The following MIR17HG variants were observed in gnomAD, a reference collection of about 807,000 sequenced individuals.
MIR17HG encodes MIR17 host gene (non-protein coding).
intron 2 of MIR17HG, chr13:91,349,911 A>T (rs1379434675): frequency 6.6e-6 from 1 of 152,252 alleles, no homozygotes; most frequent in African/African-American, 2.4e-5. Flanking sequence ...TGAAAAACTA[A>T]CTCATTAAGT....
intron 3 of MIR17HG, chr13:91,351,186 A>T (rs1875296533): frequency 1.9e-6 from 1 of 527,250 alleles, no homozygotes; most frequent in Non-Finnish European, 3.9e-6. Flanking sequence ...CTGTCCTGTT[A>T]CTGAACACTG....
intron 3 of MIR17HG, chr13:91,351,482 A>G: frequency 2.4e-6 from 1 of 411,802 alleles, no homozygotes; most frequent in South Asian, 1.9e-5. Flanking sequence ...GAAATATTAA[A>G]GAAAATGTGT....
At position 91,350,002 on chromosome 13, in the gene MIR17HG, C is replaced by T. The variant is rs112107109; in HGVS notation, n.214-154C>T. Reference sequence around the variant, plus strand: ...TTTGGAAACTGGCTTATGCAGTTTACGAAATATAATTTTAGACCCTCTTTT... The same window carrying T: ...TTTGGAAACTGGCTTATGCAGTTTATGAAATATAATTTTAGACCCTCTTTT... On this transcript the variant is annotated intron_variant and non_coding_transcript_variant, in intron 2 of 3. Transcript: ENST00000400282. 3.7e-3 allele frequency: 564 copies of T among 152,516 alleles called. 2 individuals are homozygous for T. The highest frequency in any genetic ancestry group is 5.9e-3 in the Non-Finnish European group (406 of 68,290). The allele number at this position is 152,516 out of a possible 1,614,324, so 9.4% of individuals were successfully genotyped here. A position where few individuals can be genotyped will look rare whatever the true frequency, so the allele number is the denominator to read the frequency against.
At chr13:91,350,461 CTAA>C in intron 3 of MIR17HG, 1 of 396,238 alleles carries the variant, frequency 2.5e-6, no homozygotes, top group Non-Finnish European at 5.1e-6. Context: ...GATAATTAAA[CTAA>C]TTTTTTCTTC....
intron 3 of MIR17HG, among the ~76,000 whole-genome samples, chr13:91,353,716 G>C (rs1416990253): frequency 6.6e-6 from 1 of 151,376 alleles, no homozygotes; most frequent in Non-Finnish European, 1.5e-5. Flanking sequence ...TGAGACTTAA[G>C]AGGTCATGTT....
chr13:91,348,719 C>T (rs1875100199), intron 1 of MIR17HG, among the ~76,000 whole-genome samples: 2 of 150,568 alleles, frequency 1.3e-5, no homozygotes, highest in South Asian at 4.1e-4. Flanking sequence ...CGGCCGCTTG[C>T]TGGGAGTGTG....
At chr13:91,350,690 G>C in intron 3 of MIR17HG, 1 of 534,240 alleles carries the variant, frequency 1.9e-6, no homozygotes, top group Non-Finnish European at 3.9e-6. Context: ...TATGGTGACA[G>C]CTGCCTCGGG....
chr13:91,349,046 G>T (rs1172671052), intron 1 of MIR17HG, among the ~76,000 whole-genome samples: 1 of 151,626 alleles, frequency 6.6e-6, no homozygotes, highest in Non-Finnish European at 1.5e-5. Flanking sequence ...TGCCGCGTCC[G>T]GCGGGGCCTG....
intron 1 of MIR17HG, among the ~76,000 whole-genome samples, chr13:91,348,467 C>T (rs1194486369): frequency 2.0e-5 from 3 of 150,572 alleles, no homozygotes; most frequent in African/African-American, 7.3e-5. Context: ...GGCGCGCCCA[C>T]GAGGTACCTG....
chr13:91,351,973 C>A, intron 3 of MIR17HG: 1 of 153,114 alleles, frequency 6.5e-6, no homozygotes, highest in Non-Finnish European at 1.5e-5. Context: ...CTATAAATGA[C>A]CAAGGTCCTC....
intron 3 of MIR17HG, among the ~76,000 whole-genome samples, chr13:91,353,223 G>A (rs371685214): frequency 2.3e-4 from 35 of 151,352 alleles, no homozygotes; most frequent in African/African-American, 8.3e-4. Flanking sequence ...AACTGGAACA[G>A]TGTGATAGGA....
exon 4 of MIR17HG, chr13:91,354,534 A>T (rs377525771): frequency 1.3e-5 from 2 of 151,880 alleles, no homozygotes; most frequent in African/African-American, 2.4e-5. Context: ...AGCTGTTAAG[A>T]AATTGTCCAG....
chr13:91,348,572 C>A (rs1281791483), intron 1 of MIR17HG, among the ~76,000 whole-genome samples: 2 of 151,276 alleles, frequency 1.3e-5, no homozygotes, highest in South Asian at 4.1e-4. Context: ...ATCGGCGCGG[C>A]CTGGGCGCCA....
exon 4 of MIR17HG, chr13:91,354,158 C>T (rs1875458977): frequency 6.6e-6 from 1 of 152,194 alleles, no homozygotes; most frequent in Non-Finnish European, 1.5e-5. Flanking sequence ...AAGGAGAGCT[C>T]AATCTGCACA....
intron 1 of MIR17HG, among the ~76,000 whole-genome samples, chr13:91,348,254 C>G (rs893813554): frequency 3.3e-5 from 5 of 149,814 alleles, no homozygotes; most frequent in African/African-American, 1.2e-4. Context: ...CTGGGCCGAC[C>G]CGAAGGCGGG....
exon 4 of MIR17HG, chr13:91,354,125 C>T (rs1875457962): frequency 6.6e-6 from 1 of 152,206 alleles, no homozygotes; most frequent in Admixed American, 6.5e-5. Flanking sequence ...GAATTAAGAG[C>T]CTCTCAACTG....
At chr13:91,354,029 A>G (rs947281255) in exon 4 of MIR17HG, 1 of 152,696 alleles carries the variant, frequency 6.5e-6, no homozygotes, top group Non-Finnish European at 1.5e-5. Context: ...TTCCTGGAGA[A>G]CAACTCAGTG....
intron 3 of MIR17HG, among the ~76,000 whole-genome samples, chr13:91,353,698 A>G (rs1875437492): frequency 6.6e-6 from 1 of 152,080 alleles, no homozygotes; most frequent in Admixed American, 6.6e-5. Context: ...TTTAACCTTG[A>G]AGTTGCTTGA....
At chr13:91,350,972 C>G (rs374554651) in intron 3 of MIR17HG, 17 of 530,004 alleles carry the variant, frequency 3.2e-5, no homozygotes, top group African/African-American at 2.7e-4. Flanking sequence ...TGGTGGCCTG[C>G]TATTTCCTTC....
Sources: gnomAD v4.1 joint callset for allele counts (sites outside exome capture counted in the v4.1 genomes callset) on GRCh38, gnomAD v4.1.1 for gene constraint, MANE v1.5 for transcripts, NCBI Gene and HGNC (gene_info 2026-07-23, HGNC 2026-07-21) for gene names.